GRIK2: variants seen among roughly 807,000 people sequenced by gnomAD.
The protein encoded by GRIK2 is glutamate ionotropic receptor kainate type subunit 2.
GRIK2 carries 32 observed loss-of-function variants against 100.3 expected under a neutral mutation model. The ratio of observed to expected loss-of-function variants is 0.32; its 90% CI spans 0.24 to 0.43. GRIK2 has a LOEUF of 0.43. GRIK2 is among the 20% of genes least tolerant of loss of function. The pLI is 1.00. For missense variants in GRIK2, 843 were observed against 1,114.9 expected (o/e 0.76, Z 3.47); for synonymous variants, 417 against 389.4 (o/e 1.07, Z -0.83).
chr6:101,949,469 C>T (rs1397466304), intron 14 of GRIK2, among the ~76,000 whole-genome samples: 2 of 152,080 alleles, frequency 1.3e-5, no homozygotes, highest in Non-Finnish European at 2.9e-5. Context: ...ATCCAACCGT[C>T]ATCTACATTA....
At chr6:101,795,131 T>G (rs1280434382) in intron 7 of GRIK2, among the ~76,000 whole-genome samples, 1 of 152,112 alleles carries the variant, frequency 6.6e-6, no homozygotes. Flanking sequence ...CCTCCCAAAG[T>G]GTTGGAATTA....
At chr6:101,950,514 G>A (rs1254911569) in intron 14 of GRIK2, among the ~76,000 whole-genome samples, 1 of 151,996 alleles carries the variant, frequency 6.6e-6, no homozygotes, top group Non-Finnish European at 1.5e-5. Context: ...TTACCCTCAG[G>A]ACCTTAAATC....
intron 2 of GRIK2, among the ~76,000 whole-genome samples, chr6:101,518,319 A>G (rs917433176): frequency 6.6e-6 from 1 of 152,148 alleles, no homozygotes; most frequent in Admixed American, 6.6e-5. Flanking sequence ...AGTTAAAAAG[A>G]TGAAAATGGC....
At chr6:101,771,481 G>T (rs140435757) in intron 7 of GRIK2, among the ~76,000 whole-genome samples, 4,027 of 151,162 alleles carry the variant, frequency 0.027, 121 homozygotes, top group African/African-American at 0.071. Context: ...TATGCCTGAG[G>T]TTGCAATTTT....
At chr6:101,906,990 A>G (rs896733814) in intron 12 of GRIK2, among the ~76,000 whole-genome samples, 1 of 151,768 alleles carries the variant, frequency 6.6e-6, no homozygotes, top group African/African-American at 2.4e-5. Context: ...AATGACTACA[A>G]TCATAAAGAT....
At chr6:101,852,234 A>C (rs991363762) in intron 10 of GRIK2, among the ~76,000 whole-genome samples, 1 of 152,208 alleles carries the variant, frequency 6.6e-6, no homozygotes, top group African/African-American at 2.4e-5. Context: ...CCTAAATGAA[A>C]CAAAAGTATG....
chr6:101,701,753 C>T (rs1465540697), intron 7 of GRIK2, among the ~76,000 whole-genome samples: 1 of 151,968 alleles, frequency 6.6e-6, no homozygotes, highest in Non-Finnish European at 1.5e-5. Flanking sequence ...TTTAAAACAT[C>T]ATAATTTGAA....
rs1776480011 is a variant in GRIK2 at position 101,550,891 on chromosome 6, C to G, written c.116-71058C>G. Among the ~76,000 whole-genome samples, 3 of 152,138 alleles carry G rather than the reference C, an allele frequency of 2.0e-5. No homozygotes were observed. In the South Asian group the frequency reaches 6.2e-4, roughly 31 times the overall value. Reference sequence around the variant, plus strand: ...ATCTCTCTGATTTCTACTTCTTCACCTATAAAATGAAAGCATTACTAAATA... The same window carrying G: ...ATCTCTCTGATTTCTACTTCTTCACGTATAAAATGAAAGCATTACTAAATA... On this transcript the variant is annotated intron_variant, in intron 2 of 16. Transcript: ENST00000369134.
At chr6:101,482,881 A>T (rs536454423) in intron 2 of GRIK2, among the ~76,000 whole-genome samples, 1 of 152,096 alleles carries the variant, frequency 6.6e-6, no homozygotes, top group African/African-American at 2.4e-5. Context: ...GTGGATCCCC[A>T]TCTTTTGCAA....
chr6:101,656,028 C>T (rs1254077125), intron 4 of GRIK2, among the ~76,000 whole-genome samples: 3 of 151,960 alleles, frequency 2.0e-5, no homozygotes, highest in African/African-American at 7.2e-5. Context: ...GCAGGCTGGG[C>T]ATGGTGGCTC....
At chr6:101,890,021 A>G (rs933574463) in intron 12 of GRIK2, 158 bp downstream of exon 12, 34 of 612,736 alleles carry the variant, frequency 5.5e-5, no homozygotes, top group Admixed American at 1.5e-4. Flanking sequence ...CATTTATTAA[A>G]ATGTACTGTC....
At chr6:101,595,714 G>GTATATATATATATATATATATA (rs1213458153) in intron 2 of GRIK2, among the ~76,000 whole-genome samples, 208 of 129,404 alleles carry the variant, frequency 1.6e-3, no homozygotes, top group Non-Finnish European at 2.5e-3. Context: ...GTGTGTGTGT[G>GTATATATATATATATATATATA]TGTGTATATA....
chr6:102,043,995 C>A (rs146713952), intron 15 of GRIK2, among the ~76,000 whole-genome samples: 40 of 152,048 alleles, frequency 2.6e-4, no homozygotes, highest in African/African-American at 9.6e-4. Context: ...AGCTGTGAGG[C>A]CATTAAGCCT....
At chr6:101,851,213 T>C (rs1315782415) in intron 10 of GRIK2, among the ~76,000 whole-genome samples, 1 of 152,104 alleles carries the variant, frequency 6.6e-6, no homozygotes, top group African/African-American at 2.4e-5. Flanking sequence ...ACAAATTTAT[T>C]TGCCTATGAC....
intron 4 of GRIK2, among the ~76,000 whole-genome samples, chr6:101,656,339 A>G (rs1033899473): frequency 2.0e-5 from 3 of 151,906 alleles, no homozygotes; most frequent in South Asian, 4.2e-4. Context: ...GATAAATGAC[A>G]ATAAGAAAGG....
chr6:101,640,321 G>T (rs1278240798), intron 4 of GRIK2, among the ~76,000 whole-genome samples: 2 of 152,160 alleles, frequency 1.3e-5, no homozygotes, highest in African/African-American at 4.8e-5. Context: ...AAAAGTTGCA[G>T]TTTCCAAATC....
intron 7 of GRIK2, among the ~76,000 whole-genome samples, chr6:101,769,124 A>G (rs1327264583): frequency 3.9e-5 from 6 of 152,204 alleles, no homozygotes; most frequent in Non-Finnish European, 8.8e-5. Flanking sequence ...TTTCAAAAGT[A>G]TAAGAAAATA....
intron 10 of GRIK2, among the ~76,000 whole-genome samples, chr6:101,835,002 CTAAA>C (rs1319291218): frequency 6.6e-6 from 1 of 152,036 alleles, no homozygotes; most frequent in Non-Finnish European, 1.5e-5. Flanking sequence ...GACCCTGTCT[CTAAA>C]TAAATAAAAA....
chr6:101,437,755 G>T (rs968504920), intron 2 of GRIK2, among the ~76,000 whole-genome samples: 2 of 151,920 alleles, frequency 1.3e-5, no homozygotes, highest in African/African-American at 4.8e-5. Flanking sequence ...TCAGATCCTC[G>T]CCCGTAAAAT....
Sources: gnomAD v4.1 joint callset for allele counts (sites outside exome capture counted in the v4.1 genomes callset) on GRCh38, gnomAD v4.1.1 for gene constraint, MANE v1.5 for transcripts, NCBI Gene and HGNC (gene_info 2026-07-23, HGNC 2026-07-21) for gene names.